Variants in WAC observed in about 807,000 individuals in gnomAD.
WAC encodes WW domain-containing adapter protein with coiled-coil.
In WAC, 11 loss-of-function variants were observed where a neutral mutation model predicts 79.6. The observed-to-expected ratio is 0.14, with a 90% CI of 0.09 to 0.23. The LOEUF is 0.23. Among genes scored for constraint, WAC ranks in the 10% least tolerant of loss-of-function variants. The probability of loss-of-function intolerance (pLI) is 1.00; values close to 1 mark genes in which losing one functional copy is unlikely to be tolerated. For missense variants in WAC, 728 were observed against 773.5 expected (o/e 0.94, Z 0.70); for synonymous variants, 304 against 276.9 (o/e 1.10, Z -0.97).
At chr10:28,579,054 C>T (rs1839395086) in intron 3 of WAC, among the ~76,000 whole-genome samples, 1 of 152,102 alleles carries the variant, frequency 6.6e-6, no homozygotes, top group South Asian at 2.1e-4. Context: ...TTCTTAGACT[C>T]CTTTAAGACT....
At chr10:28,534,220 A>G (rs1836482220) in intron 2 of WAC, 186 bp downstream of exon 2, 1 of 496,502 alleles carries the variant, frequency 2.0e-6, no homozygotes, top group African/African-American at 2.0e-5. Context: ...AGGTTTAGTG[A>G]CTTATTTTGA....
intron 7 of WAC, among the ~76,000 whole-genome samples, chr10:28,598,116 G>A (rs758987514): frequency 5.9e-5 from 9 of 152,098 alleles, no homozygotes; most frequent in Admixed American, 3.9e-4. Context: ...CAGTCTATCC[G>A]CTTAACAGTG....
chr10:28,565,284 C>A (rs1056557737), intron 3 of WAC, among the ~76,000 whole-genome samples: 3 of 152,206 alleles, frequency 2.0e-5, no homozygotes, highest in Non-Finnish European at 4.4e-5. Context: ...TGTACAGATT[C>A]TTGTGTGAAC....
Position 28,617,746 on chromosome 10 carries a change from C to A in WAC, c.1836C>A (p.Val612=). The A allele has an allele frequency of 6.3e-7, 1 of 1,596,084 alleles. No individual in the cohort carries two copies. Among genetic ancestry groups the A allele is most frequent in the South Asian group, 1.2e-5 (1 of 84,880 alleles). ...AATTAAAAAATTTAAGATCTTTAGT[C>A]CGAGTATGTGAAATTCAAGCAACTT... The part of the protein sequence containing the change: ...CTELKNLRSL[V]RVCEIQATLR... Residue 612 remains valine, a synonymous_variant, in exon 13 of 14, where the codon GTC becomes GTA. Transcript: ENST00000354911.
intron 11 of WAC, chr10:28,615,167 T>C (rs1160610350): frequency 6.6e-6 from 1 of 152,566 alleles, no homozygotes; most frequent in East Asian, 1.9e-4. Flanking sequence ...TCTATACTGC[T>C]GTATTGTGTT....
chr10:28,534,243 G>A, intron 2 of WAC: 1 of 455,384 alleles, frequency 2.2e-6, no homozygotes, highest in South Asian at 4.9e-5. Flanking sequence ...GGTGACTGGA[G>A]GGAGTTCGCT....
intron 4 of WAC, among the ~76,000 whole-genome samples, chr10:28,585,578 T>G (rs1839779973): frequency 6.6e-6 from 1 of 150,400 alleles, no homozygotes; most frequent in African/African-American, 2.4e-5. Flanking sequence ...GAAGGGAGGA[T>G]GAGGCCAAGT....
At chr10:28,595,611 A>G in intron 6 of WAC, 122 bp from the exon 7 acceptor site, 1 of 976,218 alleles carries the variant, frequency 1.0e-6, no homozygotes, top group South Asian at 1.7e-5. Context: ...GTTTTATAAA[A>G]GAATATGTAA....
intron 9 of WAC, 134 bp downstream of exon 9, chr10:28,610,955 GTT>G: frequency 1.0e-6 from 1 of 1,004,770 alleles, no homozygotes; most frequent in South Asian, 2.3e-5. Context: ...CAATAATTTT[GTT>G]TTTTTTGTAA....
rs1384534185 is a variant in WAC, at chr10:28,533,758, C to G, written c.41+138C>G. 5 of 1,073,576 alleles carry G rather than the reference C, an allele frequency of 4.7e-6. No homozygotes were observed. The East Asian group carries it at 1.5e-4, about 32-fold the overall frequency. 66.5% of individuals were successfully genotyped at this position (1,073,576 alleles called of 1,614,324 possible). ...GGATCGGGTTGGGGAGGAGGAGCGG[C>G]CGCGCGGGCGGGCGGGCGGGAACGC... On this transcript the variant is annotated intron_variant, in intron 1 of 13. Transcript: ENST00000354911.
chr10:28,569,326 A>G (rs538721740), intron 3 of WAC, among the ~76,000 whole-genome samples: 15 of 152,232 alleles, frequency 9.9e-5, no homozygotes, highest in Non-Finnish European at 2.2e-4. Context: ...TTTTCATATT[A>G]AGGAAACATT....
At chr10:28,555,227 G>T (rs1184623657) in intron 3 of WAC, among the ~76,000 whole-genome samples, 1 of 151,938 alleles carries the variant, frequency 6.6e-6, no homozygotes, top group Non-Finnish European at 1.5e-5. Context: ...CCTCTCAGAT[G>T]TCCTTGCAAG....
rs138519406 is a variant in WAC at position 28,608,319 on chromosome 10, G to T, written c.1053G>T (p.Ser351=). 1.2e-6 allele frequency: 2 copies of T among 1,614,058 alleles called. No individual in the cohort carries two copies. The highest frequency in any genetic ancestry group is 2.2e-5 in the South Asian group (2 of 91,076). The stretch of plus-strand genomic sequence containing the variant: ...TCCCTGTTTCTCCTGTTCCACAGTC[G>T]CCAATACCTCCCTTACTTCAGGACC... The part of the protein sequence containing the change: ...SAVPVSPVPQ[S]PIPPLLQDPN... Residue 351 remains serine (S), a synonymous_variant, in exon 8 of 14, where the codon TCG becomes TCT. Transcript: ENST00000354911.
chr10:28,611,396 T>A, intron 9 of WAC: 1 of 1,302,414 alleles, frequency 7.7e-7, no homozygotes, highest in South Asian at 1.2e-5. Flanking sequence ...CAAAGACTCT[T>A]GCAACCCTCT....
At position 28,590,761 on chromosome 10, in the gene WAC, G is replaced by A. The variant is rs756659044; in HGVS notation, c.539G>A (p.Ser180Asn). ...GAAGCAAACAAGATGGCAGTCAACA[G>A]CTTCCCAAAAGATAGGGATTACAGA... ...QKEANKMAVN[S>N]FPKDRDYRRE... The change falls in exon 6 of 14, where the codon AGC (serine) becomes AAC (asparagine). Residue 180 changes from serine (S) to asparagine (N), a missense_variant. By Grantham distance (46) the Ser-to-Asn change is conservative. Coordinates refer to ENST00000354911, the MANE Select transcript of WAC (RefSeq NM_016628.5). The A allele has an allele frequency of 3.1e-6, 5 of 1,611,682 alleles. No homozygotes were observed. The East Asian group carries it at 6.7e-5, about 22-fold the overall frequency.
intron 3 of WAC, among the ~76,000 whole-genome samples, chr10:28,573,736 C>T (rs1011490521): frequency 1.3e-5 from 2 of 152,090 alleles, no homozygotes; most frequent in Admixed American, 6.6e-5. Context: ...ACATACCATA[C>T]CATTCAGCCA....
At position 28,620,804 on chromosome 10, in the gene WAC, A is replaced by G. The variant is rs377072953; in HGVS notation, c.*1198A>G. ...ACCTGTCTTGCTATTATGACATTTC[A>G]TTTGGAAGGATGTTTGTGTTGTAGC... On this transcript the variant is annotated 3_prime_UTR_variant, in exon 14 of 14. Coordinates refer to ENST00000354911, the MANE Select transcript of WAC (RefSeq NM_016628.5). The G allele has an allele frequency of 3.9e-5, 6 of 152,308 alleles. No individual in the cohort carries two copies. In the East Asian group the frequency reaches 1.2e-3, roughly 29 times the overall value. The allele number at this position is 152,308 out of a possible 1,614,324, so 9.4% of individuals were successfully genotyped here.
intron 3 of WAC, among the ~76,000 whole-genome samples, chr10:28,576,290 A>C (rs1021314333): frequency 4.6e-5 from 7 of 152,124 alleles, no homozygotes; most frequent in African/African-American, 1.4e-4. Context: ...ATGTAGCCAT[A>C]TATATATATT....
chr10:28,608,107 C>G, intron 7 of WAC, 79 bp from the exon 8 acceptor site: 2 of 1,541,668 alleles, frequency 1.3e-6, no homozygotes, highest in Middle Eastern at 3.4e-4. Flanking sequence ...GTGCCTGGCA[C>G]ATGAGAGGTG....
Sources: gnomAD v4.1 joint callset for allele counts (sites outside exome capture counted in the v4.1 genomes callset) on GRCh38, gnomAD v4.1.1 for gene constraint, MANE v1.5 for transcripts, NCBI Gene and HGNC (gene_info 2026-07-23, HGNC 2026-07-21) for gene names.